TRAM1: variants seen among roughly 807,000 people sequenced by gnomAD.
TRAM1 encodes translocation associated membrane protein 1.
Under a neutral mutation model 48.7 loss-of-function variants are expected in TRAM1, and 17 were observed. The ratio of observed to expected loss-of-function variants is 0.35; its 90% CI spans 0.24 to 0.52. TRAM1 has a LOEUF of 0.52. TRAM1 is among the 20% of genes least tolerant of loss of function. The pLI is 0.94. For missense variants in TRAM1, 351 were observed against 441.5 expected (o/e 0.79, Z 1.84); for synonymous variants, 182 against 154.0 (o/e 1.18, Z -1.34).
At position 70,607,346 on chromosome 8, in the gene TRAM1, C is replaced by G. The variant is rs55891645; in HGVS notation, c.123+731G>C. ...TCCTTGGCACCGCTGTTCAGAACCTCGATTTATCCATCAGACCTTGTTTCT... is the reference window on the plus strand; with the variant it reads ...TCCTTGGCACCGCTGTTCAGAACCTGGATTTATCCATCAGACCTTGTTTCT... On this transcript the variant is annotated intron_variant, in intron 1 of 10. Transcript: ENST00000262213. 1.2e-3 allele frequency: 1,181 copies of G among 985,450 alleles called. 17 individuals are homozygous for G. The African/African-American group carries it at 0.019, about 16-fold the overall frequency. 61.0% of individuals were successfully genotyped at this position (985,450 alleles called of 1,614,324 possible).
Position 70,588,753 on chromosome 8 carries a change from A to ATTAT in TRAM1, c.571-1578_571-1577insATAA, listed in dbSNP as rs1459942827. Among the ~76,000 whole-genome samples the ATTAT allele has an allele frequency of 2.0e-5, 3 of 152,244 alleles. No homozygotes were observed. The East Asian group carries it at 5.8e-4, about 29-fold the overall frequency. ...TGTTTACAAAACACTGACAGTGATA[A>ATTAT]GCTCAACAGGCCAGCCTACTGACTA... On this transcript the variant is annotated intron_variant, in intron 6 of 10. Transcript: ENST00000262213.
chr8:70,586,765 T>C, intron 8 of TRAM1, 130 bp downstream of exon 8: 1 of 696,230 alleles, frequency 1.4e-6, no homozygotes, highest in Non-Finnish European at 2.4e-6. Context: ...CTAAATAATT[T>C]CGTTTTATTT....
chr8:70,574,410 C>G lies in TRAM1; in HGVS notation c.*522G>C. The G allele has an allele frequency of 4.8e-6, 1 of 209,280 alleles. No homozygotes were observed. Among genetic ancestry groups the G allele is most frequent in the Non-Finnish European group, 9.7e-6 (1 of 102,612 alleles). 13.0% of individuals were successfully genotyped at this position (209,280 alleles called of 1,614,324 possible). A position where few individuals can be genotyped will look rare whatever the true frequency, so the allele number is the denominator to read the frequency against. Reference sequence around the variant, plus strand: ...CTATAAAATAAAGCACACAATTGTTCCGGTGATTTTACAAATCTTTTTTTC... The same window carrying G: ...CTATAAAATAAAGCACACAATTGTTGCGGTGATTTTACAAATCTTTTTTTC... On this transcript the variant is annotated 3_prime_UTR_variant, in exon 11 of 11. Coordinates refer to ENST00000262213, the MANE Select transcript of TRAM1 (RefSeq NM_014294.6).
Position 70,574,188 on chromosome 8 carries a change from T to G in TRAM1, c.*744A>C. ...TAAACATATCAAAAAGGGCTATATG[T>G]CAGATTTTCCTGTTCATAGTAAATA... On this transcript the variant is annotated 3_prime_UTR_variant, in exon 11 of 11. Transcript: ENST00000262213. 2.5e-6 allele frequency: 1 copy of G among 404,418 alleles called. No homozygotes were observed. The highest frequency in any genetic ancestry group is 1.8e-5 in the South Asian group (1 of 54,162). The allele number at this position is 404,418 out of a possible 1,614,324, so 25.1% of individuals were successfully genotyped here.
At chr8:70,584,404 T>C (rs1340276258) in intron 8 of TRAM1, among the ~76,000 whole-genome samples, 1 of 152,176 alleles carries the variant, frequency 6.6e-6, no homozygotes, top group Non-Finnish European at 1.5e-5. Context: ...ACCACTCCTA[T>C]TCAACACAGT....
At chr8:70,600,754 A>G (rs1383699097) in intron 1 of TRAM1, among the ~76,000 whole-genome samples, 1 of 152,224 alleles carries the variant, frequency 6.6e-6, no homozygotes, top group Admixed American at 6.5e-5. Flanking sequence ...AAGTGCCAAT[A>G]GCTTGCACTG....
chr8:70,577,981 C>T (rs1322190753), intron 10 of TRAM1, among the ~76,000 whole-genome samples: 2 of 152,260 alleles, frequency 1.3e-5, no homozygotes, highest in East Asian at 3.9e-4. Flanking sequence ...TGGCTGTGCG[C>T]AGTGGCTAGA....
chr8:70,574,620 A>T lies in TRAM1; in HGVS notation c.*312T>A, dbSNP rs1816904921. 8.5e-6 allele frequency: 2 copies of T among 234,272 alleles called. No individual in the cohort carries two copies. Among genetic ancestry groups the T allele is most frequent in the Non-Finnish European group, 8.2e-6 (1 of 121,722 alleles). 14.5% of individuals were successfully genotyped at this position (234,272 alleles called of 1,614,324 possible). A position where few individuals can be genotyped will look rare whatever the true frequency, so the allele number is the denominator to read the frequency against. On this transcript the variant is annotated 3_prime_UTR_variant, in exon 11 of 11. Coordinates refer to ENST00000262213, the MANE Select transcript of TRAM1 (RefSeq NM_014294.6). ...GACAGCAAGAAATTGTATCACTGAT[A>T]TGTGGAATTTTTGTAAATAGTTTTC...
intron 8 of TRAM1, 114 bp from the exon 9 acceptor site, chr8:70,583,907 G>T (rs1817141756): frequency 8.1e-7 from 1 of 1,228,418 alleles, no homozygotes; most frequent in Non-Finnish European, 1.1e-6. Context: ...CAGCTACTTG[G>T]GAGGCTGAGG....
chr8:70,592,237 A>T (rs268623), intron 6 of TRAM1, among the ~76,000 whole-genome samples: 2 of 152,110 alleles, frequency 1.3e-5, no homozygotes, highest in Non-Finnish European at 2.9e-5. Flanking sequence ...TTTAAGTTTT[A>T]TCTTTGAAAG....
intron 10 of TRAM1, among the ~76,000 whole-genome samples, chr8:70,575,511 C>T (rs539920310): frequency 5.3e-4 from 81 of 152,090 alleles, no homozygotes; most frequent in African/African-American, 1.8e-3. Flanking sequence ...CTTGAACTCC[C>T]GGGGACCAGT....
chr8:70,589,850 A>G (rs1817313212), intron 6 of TRAM1, among the ~76,000 whole-genome samples: 2 of 152,188 alleles, frequency 1.3e-5, no homozygotes. Flanking sequence ...GTCTCAAAAC[A>G]AAACAAAACA....
At chr8:70,576,130 A>G (rs1023820394) in intron 10 of TRAM1, among the ~76,000 whole-genome samples, 4 of 151,942 alleles carry the variant, frequency 2.6e-5, no homozygotes, top group Admixed American at 2.6e-4. Context: ...AAAACAAAAA[A>G]TCCTTGTGAA....
At chr8:70,607,482 C>T in intron 1 of TRAM1, 1 of 985,502 alleles carries the variant, frequency 1.0e-6, no homozygotes, top group East Asian at 1.1e-4. Context: ...CGGCCACCGC[C>T]CTTCAAGTCG....
At chr8:70,584,853 C>T (rs959614226) in intron 8 of TRAM1, among the ~76,000 whole-genome samples, 7 of 152,002 alleles carry the variant, frequency 4.6e-5, no homozygotes, top group Non-Finnish European at 7.4e-5. Flanking sequence ...GGTCATACTG[C>T]CCAAGGTAAT....
At chr8:70,599,354 A>C (rs570003818) in intron 2 of TRAM1, among the ~76,000 whole-genome samples, 2 of 152,250 alleles carry the variant, frequency 1.3e-5, no homozygotes, top group South Asian at 4.2e-4. Context: ...TAAATAAAAA[A>C]CTGTGCAGGT....
intron 5 of TRAM1, 49 bp from the exon 6 acceptor site, chr8:70,594,639 T>C (rs57799438): frequency 1.4e-6 from 2 of 1,403,542 alleles, no homozygotes; most frequent in East Asian, 4.8e-5. Flanking sequence ...ATAATTTTTT[T>C]AAAAAAAAGT....
At chr8:70,581,442 T>C (rs1303671931) in intron 10 of TRAM1, among the ~76,000 whole-genome samples, 1 of 152,216 alleles carries the variant, frequency 6.6e-6, no homozygotes, top group African/African-American at 2.4e-5. Flanking sequence ...GAAAAGGGTA[T>C]CAAGACAGTT....
At chr8:70,581,988 T>A (rs1203405818) in intron 10 of TRAM1, among the ~76,000 whole-genome samples, 2 of 152,148 alleles carry the variant, frequency 1.3e-5, no homozygotes, top group Non-Finnish European at 2.9e-5. Context: ...CTAAGGGGCA[T>A]GGGGTTTCTT....
Sources: gnomAD v4.1 joint callset for allele counts (sites outside exome capture counted in the v4.1 genomes callset) on GRCh38, gnomAD v4.1.1 for gene constraint, MANE v1.5 for transcripts, NCBI Gene and HGNC (gene_info 2026-07-23, HGNC 2026-07-21) for gene names.